The following CCNH variants were observed in gnomAD, a reference collection of about 807,000 sequenced individuals.
CCNH encodes cyclin H, also known as cyclin-H.
A neutral mutation model predicts 41.9 loss-of-function variants in CCNH; 31 were observed. That is an observed-to-expected ratio of 0.74 (90% CI 0.56 to 1.00). The LOEUF (loss-of-function observed/expected upper bound fraction) is 1.00, where lower values mean the gene tolerates loss of function less well. Ranked by LOEUF, CCNH falls within the 50% of genes least tolerant of loss-of-function variation. The probability of loss-of-function intolerance (pLI) is 0.00; values close to 1 mark genes in which losing one functional copy is unlikely to be tolerated. For missense variants in CCNH, 362 were observed against 388.4 expected (o/e 0.93, Z 0.57); for synonymous variants, 138 against 136.1 (o/e 1.01, Z -0.10).
upstream of CCNH, among the ~76,000 whole-genome samples, chr5:87,377,693 G>T (rs1008446042): frequency 6.6e-6 from 1 of 152,006 alleles, no homozygotes; most frequent in Non-Finnish European, 1.5e-5. Context: ...TTATAGATAG[G>T]TAGTTCCCAA....
chr5:87,394,750 AGG>A, intron 8 of CCNH: 1 of 1,327,796 alleles, frequency 7.5e-7, no homozygotes, highest in Non-Finnish European at 9.6e-7. Context: ...TTTTTTTAAA[AGG>A]GGGTAAGGGA....
intron 9 of CCNH, chr5:87,366,347 AC>A (rs1350231354): frequency 7.0e-6 from 3 of 430,614 alleles, no homozygotes; most frequent in African/African-American, 6.1e-5. Context: ...GTTTATATGA[AC>A]AGATGCAGTT....
At chr5:87,381,650 C>T (rs1296627856), upstream of CCNH, among the ~76,000 whole-genome samples, 2 of 152,102 alleles carry the variant, frequency 1.3e-5, no homozygotes, top group African/African-American at 4.8e-5. Context: ...ACTACAGATT[C>T]TGTTTTTCTT....
In CCNH at chr5:87,411,342, AG is replaced by A; in HGVS notation, c.121del (p.Leu41PhefsTer14). ...RCKAVANGKV[L>X]PNDPVFLEPH... is the part of the protein sequence containing the mutation. ...CTCAAGAAAGACTGGATCATTCGGA[AG>A]AACCTTTAGATCAACAATTACAACA... On this transcript the variant is annotated frameshift_variant, in exon 2 of 9. Coordinates refer to ENST00000256897, the MANE Select transcript of CCNH (RefSeq NM_001239.4). LOFTEE classifies it high-confidence loss of function. 6.2e-7 allele frequency: 1 copy of A among 1,605,416 alleles called. No homozygotes were observed. Among genetic ancestry groups the A allele is most frequent in the South Asian group, 1.1e-5 (1 of 88,722 alleles).
At chr5:87,389,510 G>A (rs1561333645), downstream of CCNH, 1 of 1,614,036 alleles carries the variant, frequency 6.2e-7, no homozygotes, top group Non-Finnish European at 8.5e-7. Flanking sequence ...GCTCAGTAAT[G>A]AGCGTGGTGC....
At chr5:87,378,882 C>G (rs1386352818), upstream of CCNH, among the ~76,000 whole-genome samples, 1 of 152,088 alleles carries the variant, frequency 6.6e-6, no homozygotes, top group Non-Finnish European at 1.5e-5. Context: ...ACCTATGTAG[C>G]ACTTCATTAC....
intron 9 of CCNH, among the ~76,000 whole-genome samples, chr5:87,363,796 T>C (rs1400420890): frequency 6.6e-6 from 1 of 152,124 alleles, no homozygotes; most frequent in Non-Finnish European, 1.5e-5. Context: ...TCACCTTTCC[T>C]CTGATTTTTT....
chr5:87,397,251 A>G (rs1430628704), intron 7 of CCNH, among the ~76,000 whole-genome samples: 4 of 151,298 alleles, frequency 2.6e-5, no homozygotes, highest in African/African-American at 9.7e-5. Flanking sequence ...TGACCCCTCC[A>G]GGGTTCAAGC....
At chr5:87,338,179 A>G in intron 9 of CCNH, 1 of 1,575,516 alleles carries the variant, frequency 6.3e-7, no homozygotes, top group South Asian at 1.2e-5. Context: ...GTAGCTATGA[A>G]TACATTTCTT....
chr5:87,385,149 A>G (rs1761980499), intron 9 of CCNH: 1 of 666,246 alleles, frequency 1.5e-6, no homozygotes, highest in African/African-American at 1.8e-5. Context: ...TAAATTTTTC[A>G]AAAAACATTT....
downstream of CCNH, chr5:87,389,348 AAG>A (rs1762302561): frequency 6.2e-7 from 1 of 1,611,178 alleles, no homozygotes; most frequent in South Asian, 1.1e-5. Context: ...AACAAAAAAA[AAG>A]AAGATTTGTA....
At chr5:87,365,373 G>T (rs1760432583) in intron 9 of CCNH, among the ~76,000 whole-genome samples, 2 of 152,050 alleles carry the variant, frequency 1.3e-5, no homozygotes, top group African/African-American at 4.8e-5. Context: ...CTTTATAGTG[G>T]CTATACCTCA....
At chr5:87,321,662 T>G (rs1009246005) in intron 9 of CCNH, among the ~76,000 whole-genome samples, 13 of 152,240 alleles carry the variant, frequency 8.5e-5, no homozygotes, top group African/African-American at 3.1e-4. Context: ...GGGTCCCAAA[T>G]GTAGGAGCCT....
chr5:87,338,535 AATTT>A (rs1758179437), intron 9 of CCNH, among the ~76,000 whole-genome samples: 1 of 95,886 alleles, frequency 1.0e-5, no homozygotes, highest in Admixed American at 1.1e-4. Flanking sequence ...ATATATATAA[AATTT>A]TTTTTTTTTT....
intron 5 of CCNH, among the ~76,000 whole-genome samples, chr5:87,403,178 C>T (rs1025063061): frequency 6.6e-6 from 1 of 150,940 alleles, no homozygotes; most frequent in African/African-American, 2.4e-5. Context: ...CAAAAATTTG[C>T]CTGTAAATCA....
At chr5:87,409,629 C>CGTGTGTGTGTGTGT (rs71610500) in intron 2 of CCNH, among the ~76,000 whole-genome samples, 59 of 146,080 alleles carry the variant, frequency 4.0e-4, no homozygotes, top group Non-Finnish European at 5.1e-4. Flanking sequence ...TTTAAAAATA[C>CGTGTGTGTGTGTGT]GTGTGTGTGT....
chr5:87,394,735 A>ATAG (rs1762783582), intron 8 of CCNH: 45 of 1,318,836 alleles, frequency 3.4e-5, no homozygotes, highest in Non-Finnish European at 3.9e-5. Context: ...TGACAGATAG[A>ATAG]AAATTTTTTT....
chr5:87,392,184 C>G (rs1762574842), downstream of CCNH: 1 of 444,570 alleles, frequency 2.2e-6, no homozygotes, highest in Admixed American at 2.5e-5. Flanking sequence ...GAGACAGGAA[C>G]CCAAGGAGGT....
In CCNH at chr5:87,411,327, A is replaced by G; in HGVS notation, c.137T>C (p.Val46Ala). ...ANGKVLPNDP[V>A]FLEPHEEMTL... ...CATTTCTTCATGAGGCTCAAGAAAG[A>G]CTGGATCATTCGGAAGAACCTTTAG... Residue 46 changes from valine (V) to alanine (A), a missense_variant, in exon 2 of 9, where the codon GTC (valine) becomes GCC (alanine). Coordinates refer to ENST00000256897, the MANE Select transcript of CCNH (RefSeq NM_001239.4). 1.9e-6 allele frequency: 3 copies of G among 1,610,342 alleles called. No individual in the cohort carries two copies. The highest frequency in any genetic ancestry group is 2.5e-6 in the Non-Finnish European group (3 of 1,178,726).
Sources: gnomAD v4.1 joint callset for allele counts (sites outside exome capture counted in the v4.1 genomes callset) on GRCh38, gnomAD v4.1.1 for gene constraint, MANE v1.5 for transcripts, NCBI Gene and HGNC (gene_info 2026-07-23, HGNC 2026-07-21) for gene names.